Variants in COG5 observed in about 807,000 individuals in gnomAD.
The protein encoded by COG5 is conserved oligomeric Golgi complex subunit 5.
A neutral mutation model predicts 110.4 loss-of-function variants in COG5; 86 were observed. That is an observed-to-expected ratio of 0.78 (90% CI 0.65 to 0.93). The LOEUF (loss-of-function observed/expected upper bound fraction) is 0.93. Among genes scored for constraint, COG5 ranks in the 40% least tolerant of loss-of-function variants. The probability of loss-of-function intolerance (pLI) is 0.00; values close to 1 mark genes in which losing one functional copy is unlikely to be tolerated. For missense variants in COG5, 1,077 were observed against 987.0 expected, an observed-to-expected ratio of 1.09 and a Z score of -1.22; for synonymous variants, 360 against 334.6, an observed-to-expected ratio of 1.08 and a Z score of -0.83.
At chr7:107,519,194 A>G (rs906634876) in intron 6 of COG5, among the ~76,000 whole-genome samples, 13 of 152,304 alleles carry the variant, frequency 8.5e-5, no homozygotes, top group African/African-American at 3.1e-4. Context: ...CACAGGAGAA[A>G]GCAGGAAAGA....
At chr7:107,270,370 T>A (rs921400902) in intron 14 of COG5, among the ~76,000 whole-genome samples, 1 of 151,836 alleles carries the variant, frequency 6.6e-6, no homozygotes, top group Non-Finnish European at 1.5e-5. Context: ...AAGTGATCCT[T>A]CCTGCCTCAG....
At chr7:107,250,138 A>C (rs1802382012) in intron 16 of COG5, among the ~76,000 whole-genome samples, 1 of 152,196 alleles carries the variant, frequency 6.6e-6, no homozygotes, top group South Asian at 2.1e-4. Context: ...TGGACAAATT[A>C]GACTACAAAA....
At chr7:107,477,918 C>T (rs1797086956) in intron 6 of COG5, among the ~76,000 whole-genome samples, 1 of 151,680 alleles carries the variant, frequency 6.6e-6, no homozygotes, top group East Asian at 1.9e-4. Context: ...TAATTTTGCT[C>T]AAAAAAGCAT....
At chr7:107,344,517 T>C (rs1811434362) in intron 10 of COG5, among the ~76,000 whole-genome samples, 1 of 152,110 alleles carries the variant, frequency 6.6e-6, no homozygotes, top group Non-Finnish European at 1.5e-5. Context: ...AATAAGATTG[T>C]TTTACTTTAT....
Position 107,202,072 on chromosome 7 carries a change from T to C in COG5, c.*1444A>G, listed in dbSNP as rs902975377. 9 of 152,702 alleles carry C rather than the reference T, an allele frequency of 5.9e-5. No homozygotes were observed. The highest frequency in any genetic ancestry group is 2.1e-4 in the South Asian group (1 of 4,838). 9.5% of individuals were successfully genotyped at this position (152,702 alleles called of 1,614,324 possible). A position where few individuals can be genotyped will look rare whatever the true frequency, so the allele number is the denominator to read the frequency against. ...ACCAGGTGGCAGCAGCCATCCGTTA[T>C]TATTTCCAATGGAGACCTAGCCCAG... On this transcript the variant is annotated 3_prime_UTR_variant, in exon 22 of 22. Transcript: ENST00000297135.
intron 8 of COG5, 104 bp downstream of exon 8, chr7:107,372,491 A>T (rs1472887438): frequency 9.2e-7 from 1 of 1,092,198 alleles, no homozygotes; most frequent in Non-Finnish European, 1.4e-6. Flanking sequence ...TCTACTAAAA[A>T]ATGAGTCATT....
chr7:107,395,541 C>CT (rs67581814), intron 7 of COG5, among the ~76,000 whole-genome samples: 742 of 50,066 alleles, frequency 0.015, 109 homozygotes, highest in Non-Finnish European at 0.018. Flanking sequence ...TGAAGCAGAT[C>CT]TTTTTTTTTT....
At chr7:107,546,820 T>C (rs1182605089) in intron 5 of COG5, among the ~76,000 whole-genome samples, 7 of 151,986 alleles carry the variant, frequency 4.6e-5, no homozygotes, top group Admixed American at 1.3e-4. Flanking sequence ...CTTACAAAAA[T>C]TGAATCATAA....
chr7:107,244,426 GCATGAA>G (rs1335910156), intron 17 of COG5, among the ~76,000 whole-genome samples: 2 of 152,030 alleles, frequency 1.3e-5, no homozygotes, highest in African/African-American at 4.8e-5. Flanking sequence ...CATTAGAAAA[GCATGAA>G]CAAATCAACA....
At chr7:107,272,268 A>G (rs1381215516) in intron 14 of COG5, among the ~76,000 whole-genome samples, 1 of 152,176 alleles carries the variant, frequency 6.6e-6, no homozygotes, top group East Asian at 1.9e-4. Context: ...TCCTTTGGAG[A>G]GGCTATTCAG....
At chr7:107,218,459 G>A (rs1300326476) in intron 19 of COG5, among the ~76,000 whole-genome samples, 1 of 152,010 alleles carries the variant, frequency 6.6e-6, no homozygotes, top group African/African-American at 2.4e-5. Flanking sequence ...ATATTACAGA[G>A]CTATATAGTA....
chr7:107,359,581 G>A (rs1345997829), intron 10 of COG5, among the ~76,000 whole-genome samples: 3 of 152,090 alleles, frequency 2.0e-5, no homozygotes, highest in East Asian at 1.9e-4. Flanking sequence ...TCTGCGGACT[G>A]GAGTGACAAG....
intron 12 of COG5, among the ~76,000 whole-genome samples, chr7:107,287,495 C>A (rs548371305): frequency 2.8e-4 from 42 of 152,124 alleles, no homozygotes; most frequent in Non-Finnish European, 4.4e-4. Context: ...ACATAGCATA[C>A]CACCACTTGA....
intron 8 of COG5, among the ~76,000 whole-genome samples, chr7:107,368,816 A>C (rs1169824608): frequency 6.6e-6 from 1 of 152,170 alleles, no homozygotes; most frequent in East Asian, 1.9e-4. Flanking sequence ...TAAATATTTC[A>C]GGCATACAAA....
intron 3 of COG5, among the ~76,000 whole-genome samples, chr7:107,552,912 T>C (rs1402796532): frequency 1.3e-5 from 2 of 152,200 alleles, no homozygotes; most frequent in Non-Finnish European, 1.5e-5. Context: ...ATATATACCA[T>C]GGATACTACA....
intron 7 of COG5, among the ~76,000 whole-genome samples, chr7:107,411,237 C>T (rs1335138199): frequency 6.6e-6 from 1 of 152,128 alleles, no homozygotes; most frequent in East Asian, 1.9e-4. Flanking sequence ...AGGTAACTGC[C>T]CTTTCTTGTT....
intron 7 of COG5, among the ~76,000 whole-genome samples, chr7:107,397,029 T>C (rs919438379): frequency 6.6e-6 from 1 of 152,238 alleles, no homozygotes; most frequent in Non-Finnish European, 1.5e-5. Context: ...TTCTTTTTTC[T>C]TGATAAAAAC....
intron 8 of COG5, among the ~76,000 whole-genome samples, chr7:107,368,601 T>C (rs545085290): frequency 6.6e-6 from 1 of 152,336 alleles, no homozygotes; most frequent in South Asian, 2.1e-4. Flanking sequence ...TTAAAAAGCA[T>C]GTATCTTAAA....
At chr7:107,419,629 A>G (rs1178315154) in intron 6 of COG5, among the ~76,000 whole-genome samples, 1 of 150,532 alleles carries the variant, frequency 6.6e-6, no homozygotes, top group East Asian at 1.9e-4. Context: ...GTGCAATGGC[A>G]CAATCCTGGC....
Sources: allele counts gnomAD v4.1 joint callset (sites outside exome capture counted in the v4.1 genomes callset), GRCh38; gene constraint gnomAD v4.1.1; transcripts MANE v1.5; gene names NCBI Gene and HGNC (gene_info 2026-07-23, HGNC 2026-07-21).